NDUFS4: variants seen among roughly 807,000 people sequenced by gnomAD.
NDUFS4 encodes the protein NADH:ubiquinone oxidoreductase subunit S4, also known as NADH dehydrogenase [ubiquinone] iron-sulfur protein 4, mitochondrial.
NDUFS4 carries 28 observed loss-of-function variants against 24.3 expected under a neutral mutation model. The ratio of observed to expected loss-of-function variants is 1.15; its 90% CI spans 0.85 to 1.58. The LOEUF (loss-of-function observed/expected upper bound fraction) is 1.58, where lower values mean the gene tolerates loss of function less well. Among genes scored for constraint, NDUFS4 ranks in the 40% most tolerant of loss-of-function variants. The probability of loss-of-function intolerance (pLI) is 0.00; values close to 1 mark genes in which losing one functional copy is unlikely to be tolerated. For synonymous variants in NDUFS4, 93 were observed against 69.7 expected (o/e 1.34, Z -1.67); for missense variants, 223 against 207.9 (o/e 1.07, Z -0.45).
At chr5:53,650,199 G>A (rs11741008) in intron 3 of NDUFS4, among the ~76,000 whole-genome samples, 24,373 of 152,060 alleles carry the variant, frequency 0.16, 1,953 homozygotes, top group Middle Eastern at 0.18. Flanking sequence ...GATTATTTGA[G>A]TACTTGTGCC....
In NDUFS4 at chr5:53,590,669, T is replaced by C. The variant is rs548432893; in HGVS notation, c.99-12783T>C. Among the ~76,000 whole-genome samples the C allele has an allele frequency of 5.3e-5, 8 of 152,336 alleles. No homozygotes were observed. In the South Asian group the frequency reaches 1.7e-3, roughly 32 times the overall value. On this transcript the variant is annotated intron_variant, in intron 1 of 4. Transcript: ENST00000296684. ...GAGACTGTCTCTAGGCAGTTATAAA[T>C]CTTCTTCATCTTTGACAAACTTTTG...
At chr5:53,581,082 C>G (rs577865437) in intron 1 of NDUFS4, among the ~76,000 whole-genome samples, 2 of 152,246 alleles carry the variant, frequency 1.3e-5, no homozygotes, top group Non-Finnish European at 2.9e-5. Flanking sequence ...ATCTGCTTGC[C>G]TTGGCCTCCC....
At chr5:53,608,539 TTTG>T (rs1264143214) in intron 2 of NDUFS4, among the ~76,000 whole-genome samples, 1 of 152,236 alleles carries the variant, frequency 6.6e-6, no homozygotes, top group African/African-American at 2.4e-5. Flanking sequence ...ATCTAAATCC[TTTG>T]TTGTCATTTC....
intron 4 of NDUFS4, among the ~76,000 whole-genome samples, chr5:53,672,206 CA>C (rs1335396041): frequency 1.3e-5 from 2 of 151,392 alleles, no homozygotes; most frequent in African/African-American, 4.9e-5. Flanking sequence ...CTCAACCTCA[CA>C]TCCATATATC....
intron 3 of NDUFS4, among the ~76,000 whole-genome samples, chr5:53,654,204 AT>A (rs1308025994): frequency 6.6e-6 from 1 of 152,150 alleles, no homozygotes; most frequent in African/African-American, 2.4e-5. Flanking sequence ...AGGAATGGGT[AT>A]TAAGTATTAA....
At chr5:53,679,253 T>C (rs1740573477) in intron 4 of NDUFS4, among the ~76,000 whole-genome samples, 1 of 151,250 alleles carries the variant, frequency 6.6e-6, no homozygotes, top group African/African-American at 2.4e-5. Flanking sequence ...AATAAATTTT[T>C]TTTCCCTACA....
chr5:53,646,399 C>T lies in NDUFS4; in HGVS notation c.344C>T (p.Ala115Val). ...ERWENPLMGWASTADPLSNMV... is the reference protein window; with the variant it reads ...ERWENPLMGWVSTADPLSNMV... ...TGGGAAAATCCTTTGATGGGTTGGG[C>T]ATCAACGTGAGTACTTTATTTTAAT... The change falls in exon 3 of 5, where the codon GCA (alanine) becomes GTA (valine). Residue 115 changes from alanine (A) to valine (V), a missense_variant. Coordinates refer to ENST00000296684, the MANE Select transcript of NDUFS4 (RefSeq NM_002495.4). 1 of 1,613,388 alleles carries T rather than the reference C, an allele frequency of 6.2e-7. No individual in the cohort carries two copies. The highest frequency in any genetic ancestry group is 8.5e-7 in the Non-Finnish European group (1 of 1,179,478).
At chr5:53,644,939 C>T (rs974863728) in intron 2 of NDUFS4, among the ~76,000 whole-genome samples, 11 of 152,044 alleles carry the variant, frequency 7.2e-5, no homozygotes, top group African/African-American at 2.4e-4. Context: ...AAATGTGTTT[C>T]GTGTTTTTCC....
intron 1 of NDUFS4, among the ~76,000 whole-genome samples, chr5:53,570,262 A>G (rs904781501): frequency 6.6e-6 from 1 of 152,210 alleles, no homozygotes; most frequent in African/African-American, 2.4e-5. Context: ...TGAGACTGTA[A>G]TATAAATGTA....
At chr5:53,600,861 C>G (rs75653130) in intron 1 of NDUFS4, among the ~76,000 whole-genome samples, 5,369 of 152,046 alleles carry the variant, frequency 0.035, 329 homozygotes, top group African/African-American at 0.12. Flanking sequence ...TGCAATCTAA[C>G]CTATCTTAAA....
chr5:53,657,107 T>TC (rs1281637523), intron 3 of NDUFS4, among the ~76,000 whole-genome samples: 7 of 152,190 alleles, frequency 4.6e-5, no homozygotes, highest in Non-Finnish European at 1.0e-4. Flanking sequence ...AGAGTTCTGA[T>TC]CTCCTGGCTT....
chr5:53,646,019 G>A (rs1293965954), intron 2 of NDUFS4, among the ~76,000 whole-genome samples: 1 of 152,060 alleles, frequency 6.6e-6, no homozygotes, highest in Non-Finnish European at 1.5e-5. Flanking sequence ...CTTTTCCACT[G>A]TCTCCACTAC....
chr5:53,591,844 A>G (rs1182045400), intron 1 of NDUFS4, among the ~76,000 whole-genome samples: 1 of 152,050 alleles, frequency 6.6e-6, no homozygotes, highest in Non-Finnish European at 1.5e-5. Flanking sequence ...TCATATACTT[A>G]TTTATCATCT....
At chr5:53,570,052 T>C (rs1157949071) in intron 1 of NDUFS4, among the ~76,000 whole-genome samples, 1 of 152,196 alleles carries the variant, frequency 6.6e-6, no homozygotes, top group Non-Finnish European at 1.5e-5. Flanking sequence ...TTTTAACACA[T>C]GTATGGGTTA....
intron 1 of NDUFS4, among the ~76,000 whole-genome samples, chr5:53,561,996 T>C (rs548712623): frequency 6.6e-4 from 100 of 152,010 alleles, no homozygotes; most frequent in African/African-American, 2.4e-3. Context: ...AAAGTATTTT[T>C]CCTTTTTCTT....
chr5:53,636,988 T>A (rs1420768104), intron 2 of NDUFS4, among the ~76,000 whole-genome samples: 1 of 152,196 alleles, frequency 6.6e-6, no homozygotes, highest in Non-Finnish European at 1.5e-5. Flanking sequence ...ATACCCAGTT[T>A]CAGGTATTAC....
At chr5:53,611,352 A>G (rs1417135686) in intron 2 of NDUFS4, among the ~76,000 whole-genome samples, 1 of 152,024 alleles carries the variant, frequency 6.6e-6, no homozygotes. Flanking sequence ...TACAATGTTA[A>G]CATTGTTGAG....
chr5:53,661,086 C>G (rs975624357), intron 4 of NDUFS4, among the ~76,000 whole-genome samples: 3 of 152,140 alleles, frequency 2.0e-5, no homozygotes, highest in African/African-American at 7.2e-5. Context: ...ATGCCTATGT[C>G]CTGAATGGTA....
chr5:53,580,472 T>A (rs1401234705), intron 1 of NDUFS4, among the ~76,000 whole-genome samples: 2 of 152,202 alleles, frequency 1.3e-5, no homozygotes, highest in Non-Finnish European at 2.9e-5. Flanking sequence ...TGCCTAACAC[T>A]GACTTTAGGA....
Sources: gnomAD v4.1 joint callset for allele counts (sites outside exome capture counted in the v4.1 genomes callset) on GRCh38, gnomAD v4.1.1 for gene constraint, MANE v1.5 for transcripts, NCBI Gene and HGNC (gene_info 2026-07-23, HGNC 2026-07-21) for gene names.